Variants in ADAM18 observed in about 807,000 individuals in gnomAD.
ADAM18 encodes the protein ADAM metallopeptidase domain 18.
In ADAM18, 117 loss-of-function variants were observed where a neutral mutation model predicts 94.4. That is an observed-to-expected ratio of 1.24 (90% CI 1.07 to 1.45). ADAM18 has a LOEUF of 1.45. Ranked by LOEUF, ADAM18 falls within the 40% of genes most tolerant of loss-of-function variation. ADAM18 has a pLI of 0.00. For synonymous variants in ADAM18, 327 were observed against 291.6 expected (o/e 1.12, Z -1.24); for missense variants, 936 against 880.0 (o/e 1.06, Z -0.81).
At chr8:39,618,389 A>T (rs907557645) in intron 6 of ADAM18, among the ~76,000 whole-genome samples, 1 of 152,220 alleles carries the variant, frequency 6.6e-6, no homozygotes, top group Non-Finnish European at 1.5e-5. Context: ...AGATGGTCAC[A>T]TGGGGATGAA....
chr8:39,645,260 G>A, intron 10 of ADAM18, 78 bp from the exon 11 acceptor site: 1 of 1,243,022 alleles, frequency 8.0e-7, no homozygotes, highest in African/African-American at 1.5e-5. Flanking sequence ...TAGAAAATAT[G>A]ATAGGAGTAA....
chr8:39,663,780 C>T lies in ADAM18; in HGVS notation c.1231-15C>T. The T allele has an allele frequency of 1.9e-6, 3 of 1,556,166 alleles. No homozygotes were observed. The highest frequency in any genetic ancestry group is 2.6e-6 in the Non-Finnish European group (3 of 1,132,254). ...TGGTTAAACTGTAATAATATTTCTT[C>T]CTGTAAAATTTTAGGAATGTCAATT... On this transcript the variant is annotated splice_polypyrimidine_tract_variant and intron_variant, in intron 12 of 19. Transcript: ENST00000265707.
At chr8:39,669,197 T>A (rs1240889450) in intron 14 of ADAM18, among the ~76,000 whole-genome samples, 2 of 151,716 alleles carry the variant, frequency 1.3e-5, no homozygotes, top group Non-Finnish European at 2.9e-5. Flanking sequence ...CAATATATTC[T>A]TTTATTTTTT....
At chr8:39,683,554 G>A (rs1245014208) in intron 16 of ADAM18, among the ~76,000 whole-genome samples, 10 of 152,222 alleles carry the variant, frequency 6.6e-5, no homozygotes, top group Admixed American at 6.5e-4. Context: ...GTGTAAGTGA[G>A]CAAGTTTCTT....
chr8:39,619,839 T>C (rs1819555116), intron 6 of ADAM18, among the ~76,000 whole-genome samples: 1 of 152,146 alleles, frequency 6.6e-6, no homozygotes, highest in African/African-American at 2.4e-5. Context: ...TTCAATGCAA[T>C]TTCTGTCAAA....
chr8:39,720,018 T>C (rs1822703246), intron 18 of ADAM18, among the ~76,000 whole-genome samples: 1 of 151,410 alleles, frequency 6.6e-6, no homozygotes, highest in South Asian at 2.1e-4. Context: ...ATCTATATAG[T>C]AACAATTTTT....
chr8:39,613,915 CA>C (rs1819355360), intron 6 of ADAM18, among the ~76,000 whole-genome samples: 1 of 151,964 alleles, frequency 6.6e-6, no homozygotes, highest in Non-Finnish European at 1.5e-5. Context: ...TCAATTCAGT[CA>C]GACAAAAATA....
At chr8:39,667,401 CAAAA>C (rs377507911) in intron 13 of ADAM18, among the ~76,000 whole-genome samples, 2 of 54,014 alleles carry the variant, frequency 3.7e-5, no homozygotes, top group Non-Finnish European at 4.2e-5. Context: ...AACTCCATCT[CAAAA>C]AAAAAAAAAA....
In ADAM18 at chr8:39,585,310, A is replaced by G; in HGVS notation, c.90A>G (p.Pro30=). The change falls in exon 2 of 20, where the codon CCA becomes CCG. Residue 30 remains proline, a synonymous_variant. Coordinates refer to ENST00000265707, the MANE Select transcript of ADAM18 (RefSeq NM_014237.3). ...GAATATTTCTGCATGTCACAGTTCC[A>G]CGGAAGATTAAGTCAAATGACAGTG... is the stretch of plus-strand genomic sequence containing the variant. The part of the protein sequence containing the change: ...SEGIFLHVTV[P]RKIKSNDSEV... The G allele has an allele frequency of 6.2e-7, 1 of 1,613,622 alleles. No homozygotes were observed. Among genetic ancestry groups the G allele is most frequent in the African/African-American group, 1.3e-5 (1 of 75,024 alleles).
chr8:39,661,508 G>A (rs1365109426), intron 12 of ADAM18, among the ~76,000 whole-genome samples: 1 of 151,500 alleles, frequency 6.6e-6, no homozygotes, highest in East Asian at 1.9e-4. Context: ...TTTCTTTGCA[G>A]TCTCTAATTG....
intron 17 of ADAM18, among the ~76,000 whole-genome samples, chr8:39,702,015 T>G (rs964543862): frequency 1.3e-5 from 2 of 152,202 alleles, no homozygotes; most frequent in African/African-American, 4.8e-5. Context: ...GAAATAGGAT[T>G]GCTGGGTTGA....
intron 2 of ADAM18, among the ~76,000 whole-genome samples, chr8:39,600,680 C>G (rs1172034936): frequency 2.0e-5 from 3 of 152,328 alleles, no homozygotes; most frequent in East Asian, 3.9e-4. Context: ...AATGCTTAAT[C>G]AGGGCACCAG....
At chr8:39,603,466 T>C (rs1339828662) in intron 2 of ADAM18, among the ~76,000 whole-genome samples, 2 of 152,246 alleles carry the variant, frequency 1.3e-5, no homozygotes, top group East Asian at 3.8e-4. Flanking sequence ...TGTATCTGTT[T>C]GCCTTTTTTA....
rs1822741172 is a variant in ADAM18 at position 39,721,325 on chromosome 8, A to T, written c.2018-2423A>T. On this transcript the variant is annotated intron_variant, in intron 18 of 19. Transcript: ENST00000265707. Reference sequence around the variant, plus strand: ...GAAAGTATAAAAGTTCTTACTGAAAACCTTTTCTGGACATTGGTATAGGCA... The same window carrying T: ...GAAAGTATAAAAGTTCTTACTGAAATCCTTTTCTGGACATTGGTATAGGCA... 2.0e-5 allele frequency among the ~76,000 whole-genome samples: 3 copies of T among 151,408 alleles called. No individual in the cohort carries two copies. The Admixed American group carries it at 2.0e-4, about 10-fold the overall frequency.
chr8:39,692,703 T>C (rs1377503462), intron 17 of ADAM18, 23 bp downstream of exon 17: 1 of 1,543,154 alleles, frequency 6.5e-7, no homozygotes. Flanking sequence ...TGTATCTGAA[T>C]TGCATGTTAT....
chr8:39,585,615 A>G (rs1193201887), intron 2 of ADAM18, among the ~76,000 whole-genome samples: 1 of 152,148 alleles, frequency 6.6e-6, no homozygotes, highest in African/African-American at 2.4e-5. Flanking sequence ...TGGTGGGAAA[A>G]AGAAATCAAT....
chr8:39,693,389 C>T (rs1433803673), intron 17 of ADAM18, among the ~76,000 whole-genome samples: 2 of 151,222 alleles, frequency 1.3e-5, no homozygotes, highest in Non-Finnish European at 3.0e-5. Context: ...AAAATAGCCA[C>T]ATTTTAATGT....
intron 11 of ADAM18, among the ~76,000 whole-genome samples, chr8:39,647,234 C>CA (rs72204674): frequency 0.3 from 38,690 of 130,070 alleles, 5,825 homozygotes; most frequent in African/African-American, 0.39. Context: ...AGAAAGTCAG[C>CA]AAAAAAAAAA....
At chr8:39,654,991 C>T (rs748084801) in intron 12 of ADAM18, among the ~76,000 whole-genome samples, 4 of 152,034 alleles carry the variant, frequency 2.6e-5, no homozygotes, top group Non-Finnish European at 5.9e-5. Flanking sequence ...TAGGTTGTCT[C>T]TTCACTCTGT....
Sources: allele counts gnomAD v4.1 joint callset (sites outside exome capture counted in the v4.1 genomes callset), GRCh38; gene constraint gnomAD v4.1.1; transcripts MANE v1.5; gene names NCBI Gene and HGNC (gene_info 2026-07-23, HGNC 2026-07-21).